The following GPM6A variants were observed in gnomAD, a reference collection of about 807,000 sequenced individuals.
GPM6A encodes the protein glycoprotein M6A, also known as neuronal membrane glycoprotein M6-a.
In GPM6A, 7 loss-of-function variants were observed where a neutral mutation model predicts 32.1. The ratio of observed to expected loss-of-function variants is 0.22; its 90% CI spans 0.12 to 0.41. The LOEUF is 0.41. Among genes scored for constraint, GPM6A ranks in the 10% least tolerant of loss-of-function variants. The pLI, the probability that GPM6A is intolerant of heterozygous loss-of-function variation, is 1.00. For synonymous variants in GPM6A, 130 were observed against 123.4 expected, an observed-to-expected ratio of 1.05 and a Z score of -0.35; for missense variants, 235 against 347.2, an observed-to-expected ratio of 0.68 and a Z score of 2.57.
intron 2 of GPM6A, among the ~76,000 whole-genome samples, chr4:175,679,106 A>G (rs1050298751): frequency 1.3e-5 from 2 of 152,072 alleles, no homozygotes; most frequent in Non-Finnish European, 2.9e-5. Context: ...CTTGCCTGAT[A>G]CCGGAGCCAA....
intron 1 of GPM6A, among the ~76,000 whole-genome samples, chr4:175,874,291 G>A (rs4690640): frequency 0.05 from 7,674 of 152,218 alleles, 269 homozygotes; most frequent in Middle Eastern, 0.075. Context: ...AGTTCCAGGA[G>A]AAATACAGAA....
chr4:175,825,177 A>G (rs1431608162), intron 1 of GPM6A, among the ~76,000 whole-genome samples: 1 of 152,204 alleles, frequency 6.6e-6, no homozygotes, highest in African/African-American at 2.4e-5. Flanking sequence ...ATTATCCTTA[A>G]AAAACAGAGT....
At chr4:175,829,756 A>G (rs1216032110) in intron 1 of GPM6A, among the ~76,000 whole-genome samples, 1 of 148,378 alleles carries the variant, frequency 6.7e-6, no homozygotes, top group Non-Finnish European at 1.5e-5. Flanking sequence ...ATAGATATAT[A>G]TATCTTACTC....
chr4:175,654,417 A>G (rs187129767), intron 3 of GPM6A: 2 of 152,336 alleles, frequency 1.3e-5, no homozygotes, highest in East Asian at 3.9e-4. Context: ...ATAATGCATG[A>G]AAAGCATTTA....
chr4:175,926,150 C>G (rs1254785108), intron 1 of GPM6A, among the ~76,000 whole-genome samples: 3 of 152,230 alleles, frequency 2.0e-5, no homozygotes, highest in South Asian at 2.1e-4. Flanking sequence ...CCGTGCCTGG[C>G]CACAAATTCT....
chr4:175,921,502 G>A (rs994811270), intron 1 of GPM6A, among the ~76,000 whole-genome samples: 1 of 129,820 alleles, frequency 7.7e-6, no homozygotes, highest in African/African-American at 2.5e-5. Flanking sequence ...AAAAAATCAT[G>A]GACCATCATT....
At chr4:175,787,220 C>A (rs1336353860) in intron 1 of GPM6A, 5 of 678,594 alleles carry the variant, frequency 7.4e-6, no homozygotes, top group Admixed American at 2.5e-5. Context: ...TAATAAAATT[C>A]ATCTTAAAGC....
chr4:175,742,399 C>T (rs1465983202), intron 1 of GPM6A, among the ~76,000 whole-genome samples: 1 of 152,124 alleles, frequency 6.6e-6, no homozygotes, highest in African/African-American at 2.4e-5. Flanking sequence ...TGAGATGCCA[C>T]ATACAGAATA....
chr4:175,855,379 C>A (rs1250171394), intron 1 of GPM6A, among the ~76,000 whole-genome samples: 1 of 151,954 alleles, frequency 6.6e-6, no homozygotes, highest in Non-Finnish European at 1.5e-5. Context: ...CAAATGTATG[C>A]AAATAATATA....
chr4:175,824,615 G>C (rs149996491), intron 1 of GPM6A, among the ~76,000 whole-genome samples: 54 of 152,178 alleles, frequency 3.5e-4, no homozygotes, highest in African/African-American at 1.3e-3. Flanking sequence ...AGCTACACTT[G>C]TTTCTCCCTT....
chr4:175,951,262 G>A (rs113616447), intron 1 of GPM6A, among the ~76,000 whole-genome samples: 1 of 152,198 alleles, frequency 6.6e-6, no homozygotes, highest in Non-Finnish European at 1.5e-5. Context: ...AGTATTTCAT[G>A]TGAAAATACT....
At chr4:175,831,759 G>A (rs867633388) in intron 1 of GPM6A, among the ~76,000 whole-genome samples, 5 of 44,928 alleles carry the variant, frequency 1.1e-4, no homozygotes, top group South Asian at 1.6e-3. Flanking sequence ...CACTTTTGTC[G>A]CCCAGGCTGG....
chr4:175,778,688 C>T (rs1474765423), intron 1 of GPM6A, among the ~76,000 whole-genome samples: 3 of 135,088 alleles, frequency 2.2e-5, no homozygotes, highest in African/African-American at 8.1e-5. Context: ...TAGAAGAAAA[C>T]TCAAACAACA....
chr4:175,744,780 G>A (rs980300332), intron 1 of GPM6A, among the ~76,000 whole-genome samples: 4 of 152,118 alleles, frequency 2.6e-5, no homozygotes, highest in Non-Finnish European at 5.9e-5. Context: ...CACTCTAGTA[G>A]AAAGAAACCT....
intron 1 of GPM6A, among the ~76,000 whole-genome samples, chr4:175,844,916 G>A (rs1736043889): frequency 6.6e-6 from 1 of 152,062 alleles, no homozygotes; most frequent in African/African-American, 2.4e-5. Flanking sequence ...GAGGGGCGTA[G>A]GTGATAAATA....
chr4:175,903,014 C>T (rs757087218), intron 1 of GPM6A, among the ~76,000 whole-genome samples: 4 of 150,778 alleles, frequency 2.7e-5, no homozygotes, highest in African/African-American at 7.5e-5. Context: ...AGCAACAACA[C>T]GCTAATAACA....
At chr4:175,864,021 A>G (rs924292856) in intron 1 of GPM6A, among the ~76,000 whole-genome samples, 1 of 152,126 alleles carries the variant, frequency 6.6e-6, no homozygotes, top group Non-Finnish European at 1.5e-5. Context: ...AGAAAAAAAA[A>G]TTCCATTTTA....
At chr4:175,917,744 A>T (rs1002139035) in intron 1 of GPM6A, among the ~76,000 whole-genome samples, 1 of 152,290 alleles carries the variant, frequency 6.6e-6, no homozygotes, top group South Asian at 2.1e-4. Flanking sequence ...AAAAACACAT[A>T]AAAAGACAAT....
At chr4:175,684,540 TAGATAAAATCAATTTTATCTAAA>T (rs1448492102) in intron 2 of GPM6A, among the ~76,000 whole-genome samples, 5 of 152,338 alleles carry the variant, frequency 3.3e-5, no homozygotes, top group Admixed American at 6.5e-5. Context: ...TAGATAAAAT[TAGATAAAATCAATTTTATCTAAA>T]AGATAAAATC....
Sources: allele counts gnomAD v4.1 joint callset (sites outside exome capture counted in the v4.1 genomes callset), GRCh38; gene constraint gnomAD v4.1.1; transcripts MANE v1.5; gene names NCBI Gene and HGNC (gene_info 2026-07-23, HGNC 2026-07-21).